CDX2: variants seen among roughly 807,000 people sequenced by gnomAD.
CDX2 encodes the protein homeobox protein CDX-2.
A neutral mutation model predicts 25.5 loss-of-function variants in CDX2; 7 were observed. That is an observed-to-expected ratio of 0.27 (90% CI 0.16 to 0.52). CDX2 has a LOEUF of 0.52. CDX2 is among the 20% of genes least tolerant of loss of function. The pLI is 0.97. For synonymous variants in CDX2, 222 were observed against 198.6 expected (o/e 1.12, Z -0.99); for missense variants, 375 against 431.4 (o/e 0.87, Z 1.16).
In CDX2 at chr13:27,964,708, TAAAA is replaced by T. The variant is rs55820742; in HGVS notation, c.687+158_687+161del. On this transcript the variant is annotated intron_variant, in intron 2 of 2. Transcript: ENST00000381020. The surrounding 1 kb of genome is among the most constrained non-coding windows in gnomAD (Gnocchi z 4.7). The stretch of plus-strand genomic sequence containing the variant: ...CACAAAGCAAGACCCCATCTCTGTT[TAAAA>T]AAAAAAAAAAAAAAAAAAAGGACTC... 4.4e-3 allele frequency among the ~76,000 whole-genome samples: 559 copies of T among 127,076 alleles called. 1 individual carries two copies. Among genetic ancestry groups the T allele is most frequent in the Middle Eastern group, 0.02 (5 of 248 alleles). The allele number at this position is 127,076 out of a possible 152,430, so 83.4% of individuals were successfully genotyped here. A position where few individuals can be genotyped will look rare whatever the true frequency, so the allele number is the denominator to read the frequency against.
In CDX2 at chr13:27,966,208, C is replaced by T. The variant is rs187435313; in HGVS notation, c.542-1193G>A. ...CCACATTCTGTTTGAATTACCACTA[C>T]TGAGCAAATGGCGGCCCCGGCTTTC... On this transcript the variant is annotated intron_variant, in intron 1 of 2. Transcript: ENST00000381020. Among the ~76,000 whole-genome samples the T allele has an allele frequency of 4.6e-5, 7 of 152,360 alleles. No individual in the cohort carries two copies. The East Asian group carries it at 1.2e-3, about 25-fold the overall frequency.
At chr13:27,965,821 G>A (rs773983707) in intron 1 of CDX2, among the ~76,000 whole-genome samples, 4 of 152,232 alleles carry the variant, frequency 2.6e-5, no homozygotes, top group Admixed American at 6.5e-5. Flanking sequence ...GAGCAGGCCC[G>A]AGCCTGGCGT....
In CDX2 at chr13:27,961,503, G is replaced by T. The variant is rs1869047258; in HGVS notation, c.*1612C>A. Among the ~76,000 whole-genome samples, 1 of 152,126 alleles carries T rather than the reference G, an allele frequency of 6.6e-6. No individual in the cohort carries two copies. The highest frequency in any genetic ancestry group is 1.5e-5 in the Non-Finnish European group (1 of 68,032). On this transcript the variant is annotated 3_prime_UTR_variant, in exon 3 of 3. Transcript: ENST00000381020. ...AGATAACAAGAAACTGTCACTAAAA[G>T]GATCATTTTATACTGGGTCTAGAAA...
rs367899663 is a variant in CDX2, at chr13:27,968,935, G to A, written c.72C>T (p.Leu24=). The A allele has an allele frequency of 2.5e-6, 4 of 1,608,344 alleles. No individual in the cohort carries two copies. The highest frequency in any genetic ancestry group is 3.3e-5 in the Admixed American group (2 of 59,790). ...TGACGAAGTTCTGCGGCGCCAGGTT[G>A]AGGCCGCCAGAGTGGCGCACGGAGC... is the stretch of plus-strand genomic sequence containing the variant. ...YPSSVRHSGG[L]NLAPQNFVSP... is the part of the protein sequence containing the mutation. The change falls in exon 1 of 3, where the codon CTC becomes CTT. Residue 24 remains leucine, a synonymous_variant. Coordinates refer to ENST00000381020, the MANE Select transcript of CDX2 (RefSeq NM_001265.6).
At chr13:27,967,364 G>A (rs1381140876) in intron 1 of CDX2, 5 of 523,838 alleles carry the variant, frequency 9.5e-6, no homozygotes, top group Non-Finnish European at 1.9e-5. Context: ...AGCCCCCAAA[G>A]GGCGCTTTGA....
chr13:27,969,092 G>T lies in CDX2; in HGVS notation c.-86C>A. 2.0e-6 allele frequency: 2 copies of T among 998,938 alleles called. No homozygotes were observed. The highest frequency in any genetic ancestry group is 2.9e-6 in the Non-Finnish European group (2 of 689,570). The allele number at this position is 998,938 out of a possible 1,614,324, so 61.9% of individuals were successfully genotyped here. The stretch of plus-strand genomic sequence containing the variant: ...CCGGGGGGCACGAAGGGAAAGGGGC[G>T]AGGGGACTCGAGGAGCGGCGGGTGG... On this transcript the variant is annotated 5_prime_UTR_variant, in exon 1 of 3. Transcript: ENST00000381020.
Position 27,968,991 on chromosome 13 carries a change from G to A in CDX2, c.16C>T (p.Leu6Phe), listed in dbSNP as rs1320769577. The change falls in exon 1 of 3, where the codon CTC (leucine) becomes TTC (phenylalanine). Residue 6 changes from leucine (L) to phenylalanine (F), a missense_variant. Physicochemically the swap from Leu to Phe is conservative, Grantham distance 22. Around this residue, in one of 3 missense-constraint regions of CDX2, gnomAD observed 253 missense variants for 247.5 expected, o/e 1.02. Transcript: ENST00000381020. MYVSY[L>F]LDKDVSMYPS... Reference sequence around the variant, plus strand: ...TACATGCTCACGTCCTTGTCCAGGAGGTAGCTCACGTACATGGTGGCGAGG... The same window carrying A: ...TACATGCTCACGTCCTTGTCCAGGAAGTAGCTCACGTACATGGTGGCGAGG... 6.3e-7 allele frequency: 1 copy of A among 1,598,896 alleles called. No homozygotes were observed.
intron 1 of CDX2, chr13:27,967,131 C>A: frequency 2.6e-6 from 1 of 382,404 alleles, no homozygotes; most frequent in Non-Finnish European, 5.1e-6. Context: ...TGCGCCACCC[C>A]CGCCAACCGC....
Position 27,961,003 on chromosome 13 carries a change from G to C in CDX2, c.*2112C>G, listed in dbSNP as rs999922281. On this transcript the variant is annotated 3_prime_UTR_variant, in exon 3 of 3. Coordinates refer to ENST00000381020, the MANE Select transcript of CDX2 (RefSeq NM_001265.6). The stretch of plus-strand genomic sequence containing the variant: ...GGCTAGGGGGCGGGCCTGTGGGCGC[G>C]GCCGGGGCGCGGGGAGACCTGCGGG... Among the ~76,000 whole-genome samples, 4 of 152,208 alleles carry C rather than the reference G, an allele frequency of 2.6e-5. No individual in the cohort carries two copies. The highest frequency in any genetic ancestry group is 5.9e-5 in the Non-Finnish European group (4 of 68,028).
chr13:27,965,138 G>A, intron 1 of CDX2, 123 bp from the exon 2 acceptor site: 1 of 1,097,412 alleles, frequency 9.1e-7, no homozygotes, highest in South Asian at 1.5e-5. Flanking sequence ...GCCCGGGTTT[G>A]GCTGGTTCCT....
chr13:27,963,507 C>T (rs1869173601), intron 2 of CDX2, 138 bp from the exon 3 acceptor site: 3 of 715,050 alleles, frequency 4.2e-6, no homozygotes, highest in Non-Finnish European at 6.8e-6. Context: ...CCTCGGGCAT[C>T]CCCATAACAG....
Position 27,968,890 on chromosome 13 carries a change from G to A in CDX2, c.117C>T (p.Asp39=). 6.2e-7 allele frequency: 1 copy of A among 1,607,118 alleles called. No individual in the cohort carries two copies. Among genetic ancestry groups the A allele is most frequent in the Non-Finnish European group, 8.5e-7 (1 of 1,178,096 alleles). The change falls in exon 1 of 3, where the codon GAC becomes GAT. Residue 39 remains aspartate, a synonymous_variant. Transcript: ENST00000381020. ...QNFVSPPQYP[D]YGGYHVAAAA... is the part of the protein sequence containing the mutation. ...CGGCCGCCACGTGGTAACCGCCGTA[G>A]TCCGGGTACTGCGGGGGGCTGACGA...
In CDX2 at chr13:27,961,073, G is replaced by T. The variant is rs1869022387; in HGVS notation, c.*2042C>A. Among the ~76,000 whole-genome samples, 1 of 152,072 alleles carries T rather than the reference G, an allele frequency of 6.6e-6. No individual in the cohort carries two copies. The highest frequency in any genetic ancestry group is 1.5e-5 in the Non-Finnish European group (1 of 67,992). ...CCCTGACCCAGGACCCCTGACCCAG[G>T]ACCCCTCGCCCAGCGGACCCGGACA... On this transcript the variant is annotated 3_prime_UTR_variant, in exon 3 of 3. Coordinates refer to ENST00000381020, the MANE Select transcript of CDX2 (RefSeq NM_001265.6).
At position 27,969,112 on chromosome 13, in the gene CDX2, G is replaced by A. The variant is rs1401690034; in HGVS notation, c.-106C>T. Reference sequence around the variant, plus strand: ...GGGGCGAGGGGACTCGAGGAGCGGCGGGTGGCTGCGCCCCAGCCCGCGGTG... The same window carrying A: ...GGGGCGAGGGGACTCGAGGAGCGGCAGGTGGCTGCGCCCCAGCCCGCGGTG... On this transcript the variant is annotated 5_prime_UTR_variant, in exon 1 of 3. Coordinates refer to ENST00000381020, the MANE Select transcript of CDX2 (RefSeq NM_001265.6). The A allele has an allele frequency of 1.6e-5, 13 of 814,978 alleles. No individual in the cohort carries two copies. The East Asian group carries it at 2.7e-4, about 17-fold the overall frequency. The allele number at this position is 814,978 out of a possible 1,614,324, so 50.5% of individuals were successfully genotyped here.
rs1228368373 is a variant in CDX2, at chr13:27,962,759, A to AG, written c.*355dup. 5 of 261,088 alleles carry AG rather than the reference A, an allele frequency of 1.9e-5. No homozygotes were observed. The highest frequency in any genetic ancestry group is 3.6e-5 in the Non-Finnish European group (5 of 137,306). 16.2% of individuals were successfully genotyped at this position (261,088 alleles called of 1,614,324 possible). ...CCTCTCTCCCCTCGGCTCTAGCCAG[A>AG]GGTGCAGCCTGCAGATCTAGGAAGA... On this transcript the variant is annotated 3_prime_UTR_variant, in exon 3 of 3. Coordinates refer to ENST00000381020, the MANE Select transcript of CDX2 (RefSeq NM_001265.6).
In CDX2 at chr13:27,963,149, G is replaced by A. The variant is rs1869144728; in HGVS notation, c.908C>T (p.Thr303Ile). The A allele has an allele frequency of 1.9e-6, 3 of 1,614,062 alleles. No homozygotes were observed. The highest frequency in any genetic ancestry group is 2.5e-6 in the Non-Finnish European group (3 of 1,179,948). ...PGSVPGVLGP[T>I]GGVLNPTVTQ is the part of the protein sequence containing the mutation. ...GACGGTGGGGTTTAGCACCCCCCCA[G>A]TTGGCCCCAGAACCCCAGGGACAGA... The change falls in exon 3 of 3, where the codon ACT (threonine) becomes ATT (isoleucine). Residue 303 changes from threonine (T) to isoleucine (I), a missense_variant. This residue lies in a region of CDX2 where 58 missense variants were observed against 59.4 expected (regional missense o/e 0.98). Coordinates refer to ENST00000381020, the MANE Select transcript of CDX2 (RefSeq NM_001265.6).
rs745450331 is a variant in CDX2 at position 27,963,264 on chromosome 13, G to A, written c.793C>T (p.Pro265Ser). ...CCTGGCTGAGGCTGGGGAGGCTGTGGTGGCGGCGGAGGCGGCTGTGGTGGC... is the reference window on the plus strand; with the variant it reads ...CCTGGCTGAGGCTGGGGAGGCTGTGATGGCGGCGGAGGCGGCTGTGGTGGC... ...QQPPQPPPPPPQPPQPQPGPL... is the reference protein window; with the variant it reads ...QQPPQPPPPPSQPPQPQPGPL... Residue 265 changes from proline (P) to serine (S), a missense_variant, in exon 3 of 3, where the codon CCA (proline) becomes TCA (serine). Pro to Ser is a moderately conservative substitution (Grantham distance 74, BLOSUM62 -1). Around this residue, in one of 3 missense-constraint regions of CDX2, gnomAD observed 58 missense variants for 59.4 expected, o/e 0.98. Transcript: ENST00000381020. The A allele has an allele frequency of 1.2e-6, 2 of 1,614,046 alleles. No homozygotes were observed. Among genetic ancestry groups the A allele is most frequent in the Non-Finnish European group, 1.7e-6 (2 of 1,179,916 alleles).
chr13:27,963,221 G>C lies in CDX2; in HGVS notation c.836C>G (p.Pro279Arg). The C allele has an allele frequency of 1.9e-6, 3 of 1,614,194 alleles. No individual in the cohort carries two copies. Among genetic ancestry groups the C allele is most frequent in the Non-Finnish European group, 2.5e-6 (3 of 1,180,032 alleles). ...QPQPGPLRSVPEPLSPVSSLQ... is the reference protein window; with the variant it reads ...QPQPGPLRSVREPLSPVSSLQ... ...GGAAGACACCGGACTCAAGGGCTCT[G>C]GGACACTTCTCAGAGGACCTGGCTG... The change falls in exon 3 of 3, where the codon CCA becomes CGA. Residue 279 changes from proline (P) to arginine (R), a missense_variant. Pro to Arg is a moderately radical substitution (Grantham distance 103). Transcript: ENST00000381020.
At position 27,968,384 on chromosome 13, in the gene CDX2, A is replaced by C. The variant is rs1315489220; in HGVS notation, c.541+82T>G. ...GACAGCCCGGGACGCCCCTGTGCGC[A>C]CTGGACGCGCGACGCGCAGCAGCCA... On this transcript the variant is annotated intron_variant, in intron 1 of 2. Coordinates refer to ENST00000381020, the MANE Select transcript of CDX2 (RefSeq NM_001265.6). The C allele has an allele frequency of 3.7e-6, 5 of 1,366,336 alleles. No homozygotes were observed. In the East Asian group the frequency reaches 1.5e-4, roughly 41 times the overall value. 84.6% of individuals were successfully genotyped at this position (1,366,336 alleles called of 1,614,324 possible).
Sources: gnomAD v4.1 joint callset for allele counts (sites outside exome capture counted in the v4.1 genomes callset) on GRCh38, gnomAD v4.1.1 for gene constraint, gnomAD v4.1.1 regional missense constraint, Gnocchi (gnomAD v3.1) non-coding constraint, MANE v1.5 for transcripts, NCBI Gene and HGNC (gene_info 2026-07-23, HGNC 2026-07-21) for gene names.